Variants in ITGB2 observed in about 807,000 individuals in gnomAD.
ITGB2 encodes integrin beta-2.
Under a neutral mutation model 86.8 loss-of-function variants are expected in ITGB2, and 56 were observed. The observed-to-expected ratio is 0.65, with a 90% CI of 0.52 to 0.81. ITGB2 has a LOEUF of 0.81. ITGB2 is among the 30% of genes least tolerant of loss of function. ITGB2 has a pLI of 0.00. For missense variants in ITGB2, 948 were observed against 1,061.2 expected, an observed-to-expected ratio of 0.89 and a Z score of 1.48; for synonymous variants, 457 against 450.4, an observed-to-expected ratio of 1.01 and a Z score of -0.19.
intron 8 of ITGB2, 28 bp from the exon 9 acceptor site, chr21:44,895,088 A>C: frequency 6.5e-7 from 1 of 1,544,828 alleles, no homozygotes; most frequent in Non-Finnish European, 8.9e-7. Flanking sequence ...CAGACATGGC[A>C]CGGCTAGGAC....
chr21:44,895,841 A>AAATGAAATGAAATGAAATGAAATG (rs373707107), intron 8 of ITGB2, among the ~76,000 whole-genome samples: 1 of 129,254 alleles, frequency 7.7e-6, no homozygotes, highest in Admixed American at 7.6e-5. Flanking sequence ...TCAATAAAAT[A>AAATGAAATGAAATGAAATGAAATG]AAATGAAATG....
In ITGB2 at chr21:44,893,506, G is replaced by C; in HGVS notation, c.1122C>G (p.Leu374=). ...CGTAGGTGACTTTCAGGGTGTCGGG[G>C]AGGGCGTTGTGATCCAGGAAGACCC... ...SSRVFLDHNA[L]PDTLKVTYDS... is the part of the protein sequence containing the mutation. Residue 374 remains leucine, a synonymous_variant, in exon 10 of 16, where the codon CTC becomes CTG. Coordinates refer to ENST00000652462, the MANE Select transcript of ITGB2 (RefSeq NM_000211.5). The C allele has an allele frequency of 6.2e-7, 1 of 1,614,128 alleles. No individual in the cohort carries two copies.
chr21:44,897,730 A>T (rs2083889925), intron 8 of ITGB2, among the ~76,000 whole-genome samples: 1 of 152,172 alleles, frequency 6.6e-6, no homozygotes, highest in Non-Finnish European at 1.5e-5. Flanking sequence ...AAGTACAATG[A>T]CAACTATCTC....
intron 6 of ITGB2, among the ~76,000 whole-genome samples, chr21:44,901,189 CT>C (rs1568892688): frequency 6.6e-6 from 1 of 152,206 alleles, no homozygotes; most frequent in Non-Finnish European, 1.5e-5. Context: ...CCTAGCGGCC[CT>C]GTTCCACCCT....
intron 1 of ITGB2, among the ~76,000 whole-genome samples, chr21:44,915,180 C>T (rs1006175007): frequency 1.3e-5 from 2 of 152,072 alleles, no homozygotes; most frequent in Non-Finnish European, 2.9e-5. Context: ...CCCACGACCA[C>T]GCCCAGCTAA....
chr21:44,886,844 C>T lies in ITGB2; in HGVS notation c.2139G>A (p.Val713=). The change falls in exon 15 of 16, where the codon GTG becomes GTA. Residue 713 remains valine (V), a synonymous_variant. Transcript: ENST00000652462. The stretch of plus-strand genomic sequence containing the variant: ...TGACCAGCAGGAGAATGCCGATCAG[C>T]ACGATGCCTGCCACGGTGCCCCCGA... The part of the protein sequence containing the change: ...AIVGGTVAGI[V]LIGILLLVIW... 2 of 1,613,750 alleles carry T rather than the reference C, an allele frequency of 1.2e-6. No individual in the cohort carries two copies. Among genetic ancestry groups the T allele is most frequent in the South Asian group, 1.1e-5 (1 of 91,084 alleles).
At position 44,900,501 on chromosome 21, in the gene ITGB2, G is replaced by T. The variant is rs758504486; in HGVS notation, c.742-26C>A. On this transcript the variant is annotated intron_variant, in intron 6 of 15. Transcript: ENST00000652462. ...CTGAGAAGAAGGCGTGGGGGGCAGG[G>T]TTACCTGCCTCAGTTTCCCAGACCC... The T allele has an allele frequency of 3.1e-6, 5 of 1,612,016 alleles. No homozygotes were observed. The African/African-American group carries it at 6.7e-5, about 22-fold the overall frequency.
intron 4 of ITGB2, among the ~76,000 whole-genome samples, chr21:44,906,434 C>T (rs909756111): frequency 6.6e-6 from 1 of 152,066 alleles, no homozygotes; most frequent in Non-Finnish European, 1.5e-5. Context: ...TTTCTCAAAG[C>T]ACTGACAGGG....
In ITGB2 at chr21:44,898,384, C is replaced by A. The variant is rs372324658; in HGVS notation, c.993+683G>T. Among the ~76,000 whole-genome samples, 107 of 152,358 alleles carry A rather than the reference C, an allele frequency of 7.0e-4. No homozygotes were observed. In the South Asian group the frequency reaches 0.011, roughly 15 times the overall value. ...GCTGACTTTTGTCTGTATCCTCCCA[C>A]CTCGGGCAGCGGCTGGCACCCAGGA... On this transcript the variant is annotated intron_variant, in intron 8 of 15. Coordinates refer to ENST00000652462, the MANE Select transcript of ITGB2 (RefSeq NM_000211.5).
intron 11 of ITGB2, among the ~76,000 whole-genome samples, chr21:44,890,555 G>A (rs1269139257): frequency 1.3e-5 from 2 of 152,170 alleles, no homozygotes; most frequent in African/African-American, 4.8e-5. Flanking sequence ...GCTGGTGTCT[G>A]CTCCTGCGTG....
At chr21:44,893,750 C>T in intron 9 of ITGB2, 1 of 622,950 alleles carries the variant, frequency 1.6e-6, no homozygotes, top group Non-Finnish European at 2.9e-6. Context: ...AGCCTGACCA[C>T]AGGGACTAGC....
intron 1 of ITGB2, among the ~76,000 whole-genome samples, 165 bp downstream of exon 1, chr21:44,920,656 G>A (rs149742240): frequency 3.9e-5 from 6 of 152,220 alleles, no homozygotes; most frequent in African/African-American, 1.4e-4. Context: ...TCCCCTTGCC[G>A]GGTCTCAAAG....
chr21:44,917,739 C>G (rs2084232739), intron 1 of ITGB2, among the ~76,000 whole-genome samples: 1 of 152,202 alleles, frequency 6.6e-6, no homozygotes, highest in African/African-American at 2.4e-5. Flanking sequence ...ACACCTACCC[C>G]AAGTTTCCAT....
chr21:44,927,579 GC>G (rs1450120087), intron 1 of ITGB2: 2 of 152,046 alleles, frequency 1.3e-5, no homozygotes, highest in Non-Finnish European at 1.5e-5. Flanking sequence ...TCCCAACCCT[GC>G]CCCCACGTAG....
intron 4 of ITGB2, among the ~76,000 whole-genome samples, chr21:44,906,058 A>C (rs891629134): frequency 3.3e-5 from 5 of 151,770 alleles, no homozygotes; most frequent in Admixed American, 3.3e-4. Context: ...CGGTGGCCAC[A>C]CCAGGCCTCC....
chr21:44,901,063 T>A (rs2083949171), intron 6 of ITGB2, among the ~76,000 whole-genome samples: 1 of 152,142 alleles, frequency 6.6e-6, no homozygotes, highest in African/African-American at 2.4e-5. Flanking sequence ...TCTGTTAGGC[T>A]GACAGTCACA....
intron 8 of ITGB2, among the ~76,000 whole-genome samples, chr21:44,895,886 AT>A (rs1485218972): frequency 2.7e-5 from 3 of 111,362 alleles, no homozygotes; most frequent in African/African-American, 9.1e-5. Flanking sequence ...AAAAAAATAA[AT>A]AAAATAAAAT....
Position 44,890,164 on chromosome 21 carries a change from G to A in ITGB2, c.1471C>T (p.Gln491Ter). 4 of 1,613,392 alleles carry A rather than the reference G, an allele frequency of 2.5e-6. No individual in the cohort carries two copies. Among genetic ancestry groups the A allele is most frequent in the Non-Finnish European group, 3.4e-6 (4 of 1,180,020 alleles). ...TTCCGGCAGCTTCCTTCCAGCTCCT[G>A]GCTGCTCCGGCCCTGTGTCTGGCAC... ...CECQTQGRSS[Q>*]ELEGSCRKDN... The change falls in exon 12 of 16, where the codon CAG (glutamine) becomes TAG (stop). Residue 491 changes from glutamine (Q) to a stop codon, truncating the protein, a stop_gained. Coordinates refer to ENST00000652462, the MANE Select transcript of ITGB2 (RefSeq NM_000211.5). LOFTEE classifies it high-confidence loss of function.
intron 11 of ITGB2, among the ~76,000 whole-genome samples, chr21:44,891,444 G>C (rs561820541): frequency 3.3e-5 from 5 of 152,326 alleles, no homozygotes; most frequent in African/African-American, 1.2e-4. Context: ...CAGAGAAAGT[G>C]ACCCACTCAA....
Sources: allele counts gnomAD v4.1 joint callset (sites outside exome capture counted in the v4.1 genomes callset), GRCh38; gene constraint gnomAD v4.1.1; transcripts MANE v1.5; gene names NCBI Gene and HGNC (gene_info 2026-07-23, HGNC 2026-07-21).